ZFHX3: variants seen among roughly 807,000 people sequenced by gnomAD.
ZFHX3 encodes zinc finger homeobox protein 3.
Under a neutral mutation model 279.1 loss-of-function variants are expected in ZFHX3, and 42 were observed. That is an observed-to-expected ratio of 0.15 (90% confidence interval 0.12 to 0.19). The LOEUF (loss-of-function observed/expected upper bound fraction) is 0.19. Among genes scored for constraint, ZFHX3 ranks in the 10% least tolerant of loss-of-function variants. The pLI, the probability that ZFHX3 is intolerant of heterozygous loss-of-function variation, is 1.00. For synonymous variants in ZFHX3, 2,293 were observed against 1,957.8 expected, an observed-to-expected ratio of 1.17 and a Z score of -4.52; for missense variants, 4,981 against 4,754.0, an observed-to-expected ratio of 1.05 and a Z score of -1.40.
chr16:73,112,266 A>G (rs1187784600), intron 7 of ZFHX3, among the ~76,000 whole-genome samples: 1 of 152,160 alleles, frequency 6.6e-6, no homozygotes, highest in South Asian at 2.1e-4. Context: ...CAGAACCCCA[A>G]GCAGGAGCCT....
intron 1 of ZFHX3, among the ~76,000 whole-genome samples, chr16:73,687,869 A>T (rs10598478): frequency 6.7e-6 from 1 of 149,600 alleles, no homozygotes; most frequent in Middle Eastern, 3.2e-3. Flanking sequence ...AAAAAAAAAA[A>T]CAGATTTAGT....
intron 8 of ZFHX3, chr16:73,092,257 C>T (rs1567660982): frequency 6.6e-6 from 1 of 152,332 alleles, no homozygotes; most frequent in South Asian, 2.1e-4. Context: ...TATATATTTA[C>T]ACATGCACAC....
Position 72,981,290 on chromosome 16 carries a change from T to TA in ZFHX3, c.-49-21097dup, listed in dbSNP as rs372377957. Among the ~76,000 whole-genome samples, 1,209 of 152,314 alleles carry TA rather than the reference T, an allele frequency of 7.9e-3. 14 individuals carry two copies. The highest frequency in any genetic ancestry group is 0.028 in the African/African-American group (1,172 of 41,562). ...TGGGCATAGCACCTGACAGCCTTTA[T>TA]AAGTGGTAGCTATCACGATCATTAC... On this transcript the variant is annotated intron_variant, in intron 1 of 9. Transcript: ENST00000268489.
chr16:73,452,611 T>G (rs1597340856), intron 3 of ZFHX3, among the ~76,000 whole-genome samples: 2 of 152,194 alleles, frequency 1.3e-5, no homozygotes, highest in East Asian at 3.9e-4. Flanking sequence ...TAAGAATTTC[T>G]TGCAAATGGT....
intron 3 of ZFHX3, among the ~76,000 whole-genome samples, chr16:73,331,521 C>T (rs1216429305): frequency 6.6e-6 from 1 of 152,144 alleles, no homozygotes; most frequent in South Asian, 2.1e-4. Flanking sequence ...CAGAACAAAA[C>T]CATGCTATCT....
At chr16:72,836,838 G>T (rs1175419925) in intron 4 of ZFHX3, among the ~76,000 whole-genome samples, 1 of 152,152 alleles carries the variant, frequency 6.6e-6, no homozygotes, top group African/African-American at 2.4e-5. Flanking sequence ...TCGAAGGGGT[G>T]AAGACTGAGT....
chr16:73,749,994 A>G (rs2053746458), intron 1 of ZFHX3, among the ~76,000 whole-genome samples: 1 of 152,194 alleles, frequency 6.6e-6, no homozygotes, highest in Non-Finnish European at 1.5e-5. Context: ...TGAGTGTCCT[A>G]TGTATCTACT....
chr16:73,508,137 T>A (rs1040322422), intron 2 of ZFHX3, among the ~76,000 whole-genome samples: 1 of 151,990 alleles, frequency 6.6e-6, no homozygotes, highest in Non-Finnish European at 1.5e-5. Context: ...CACAGAGAGG[T>A]TAGTGAATTT....
intron 1 of ZFHX3, among the ~76,000 whole-genome samples, chr16:73,020,244 C>T (rs147266503): frequency 4.6e-5 from 7 of 152,298 alleles, no homozygotes; most frequent in African/African-American, 4.8e-5. Flanking sequence ...GAATCACATA[C>T]GCAAACTTTA....
intron 3 of ZFHX3, among the ~76,000 whole-genome samples, chr16:73,324,539 T>G (rs965938928): frequency 6.6e-6 from 1 of 152,206 alleles, no homozygotes; most frequent in Non-Finnish European, 1.5e-5. Context: ...CCCTATGAGC[T>G]TTCTCATTAC....
chr16:72,983,720 G>A (rs370782090), intron 1 of ZFHX3, among the ~76,000 whole-genome samples: 10 of 113,212 alleles, frequency 8.8e-5, no homozygotes, highest in Admixed American at 1.6e-4. Context: ...AAAAAAAAAA[G>A]AGAGAGAGAG....
intron 3 of ZFHX3, among the ~76,000 whole-genome samples, chr16:72,920,902 T>C (rs1844214316): frequency 6.6e-6 from 1 of 151,494 alleles, no homozygotes; most frequent in African/African-American, 2.4e-5. Flanking sequence ...AGACCCCCCA[T>C]ATCTACAAAA....
At chr16:73,875,510 CT>C (rs1477005853) in intron 1 of ZFHX3, among the ~76,000 whole-genome samples, 2 of 151,970 alleles carry the variant, frequency 1.3e-5, no homozygotes, top group African/African-American at 2.4e-5. Flanking sequence ...ATTTTTCTGG[CT>C]TTTTTCTTTT....
At chr16:73,781,164 C>T (rs1007221760) in intron 1 of ZFHX3, among the ~76,000 whole-genome samples, 1 of 152,156 alleles carries the variant, frequency 6.6e-6, no homozygotes, top group African/African-American at 2.4e-5. Flanking sequence ...CTCCCTGCCT[C>T]ATTACCTGAG....
At chr16:72,938,968 A>C (rs1274994877) in intron 3 of ZFHX3, among the ~76,000 whole-genome samples, 1 of 152,106 alleles carries the variant, frequency 6.6e-6, no homozygotes, top group Non-Finnish European at 1.5e-5. Context: ...GTGCTTCCTC[A>C]AGCACAGCTG....
At chr16:73,105,124 G>A (rs1966278883) in intron 7 of ZFHX3, among the ~76,000 whole-genome samples, 1 of 151,842 alleles carries the variant, frequency 6.6e-6, no homozygotes, top group Non-Finnish European at 1.5e-5. Flanking sequence ...TTTGTTGCTG[G>A]GCCAGGAGTG....
At chr16:73,343,377 T>A (rs2016069876) in intron 3 of ZFHX3, among the ~76,000 whole-genome samples, 1 of 152,064 alleles carries the variant, frequency 6.6e-6, no homozygotes, top group African/African-American at 2.4e-5. Flanking sequence ...CCAGCTCAGG[T>A]AAGTTATAGC....
chr16:72,975,771 C>T (rs903550290), intron 1 of ZFHX3, among the ~76,000 whole-genome samples: 1 of 152,184 alleles, frequency 6.6e-6, no homozygotes, highest in Non-Finnish European at 1.5e-5. Flanking sequence ...TAATTACACC[C>T]TCACCAACTC....
intron 5 of ZFHX3, among the ~76,000 whole-genome samples, chr16:73,175,903 G>T (rs1041951379): frequency 1.3e-5 from 2 of 152,100 alleles, no homozygotes; most frequent in Non-Finnish European, 2.9e-5. Context: ...TTTTACTTGG[G>T]GGGCAGGGCT....
Sources: allele counts gnomAD v4.1 joint callset (sites outside exome capture counted in the v4.1 genomes callset), GRCh38; gene constraint gnomAD v4.1.1; transcripts MANE v1.5; gene names NCBI Gene and HGNC (gene_info 2026-07-23, HGNC 2026-07-21).